SEMA3A: variants seen among roughly 807,000 people sequenced by gnomAD.
SEMA3A encodes semaphorin 3A.
A neutral mutation model predicts 97.9 loss-of-function variants in SEMA3A; 29 were observed. The ratio of observed to expected loss-of-function variants is 0.30; its 90% confidence interval spans 0.22 to 0.40. SEMA3A has a LOEUF of 0.40. Among genes scored for constraint, SEMA3A ranks in the 10% least tolerant of loss-of-function variants. The probability of loss-of-function intolerance (pLI) is 1.00; values close to 1 mark genes in which losing one functional copy is unlikely to be tolerated. For synonymous variants in SEMA3A, 321 were observed against 323.7 expected (o/e 0.99, Z 0.09); for missense variants, 763 against 951.3 (o/e 0.80, Z 2.60).
chr7:84,402,116 G>C (rs1361888282), intron 1 of SEMA3A, among the ~76,000 whole-genome samples: 2 of 151,952 alleles, frequency 1.3e-5, no homozygotes, highest in Non-Finnish European at 2.9e-5. Context: ...TTAATTGCTA[G>C]AAAATATAAG....
At chr7:84,373,021 C>G (rs148572880) in intron 1 of SEMA3A, among the ~76,000 whole-genome samples, 1 of 152,168 alleles carries the variant, frequency 6.6e-6, no homozygotes, top group Non-Finnish European at 1.5e-5. Flanking sequence ...TGTTTCCATT[C>G]GCTCTCTTGT....
chr7:84,443,370 T>C (rs1292157183), intron 1 of SEMA3A, among the ~76,000 whole-genome samples: 5 of 152,280 alleles, frequency 3.3e-5, no homozygotes, highest in Middle Eastern at 3.4e-3. Flanking sequence ...GTCAAGACAC[T>C]TTTTAATGTA....
chr7:84,061,512 T>C (rs1287317419), intron 4 of SEMA3A, among the ~76,000 whole-genome samples: 1 of 152,200 alleles, frequency 6.6e-6, no homozygotes, highest in East Asian at 1.9e-4. Flanking sequence ...ATATGTATGC[T>C]TTTTCCAGTA....
At chr7:84,140,564 G>T (rs909502644) in intron 1 of SEMA3A, among the ~76,000 whole-genome samples, 1 of 151,980 alleles carries the variant, frequency 6.6e-6, no homozygotes, top group Non-Finnish European at 1.5e-5. Context: ...TCCATGACTT[G>T]AACTTTGTCC....
At chr7:84,183,050 G>A (rs921357725) in intron 1 of SEMA3A, among the ~76,000 whole-genome samples, 2 of 152,200 alleles carry the variant, frequency 1.3e-5, no homozygotes, top group African/African-American at 4.8e-5. Flanking sequence ...CCAAAACCTA[G>A]GCATTACTAA....
chr7:84,262,751 A>G (rs1418609821), intron 3 of SEMA3A, among the ~76,000 whole-genome samples: 3 of 152,168 alleles, frequency 2.0e-5, no homozygotes, highest in African/African-American at 7.2e-5. Flanking sequence ...TTATTAACCA[A>G]TTCTGGGTAG....
chr7:84,449,402 A>T (rs1271834750), intron 1 of SEMA3A, among the ~76,000 whole-genome samples: 1 of 152,210 alleles, frequency 6.6e-6, no homozygotes, highest in Non-Finnish European at 1.5e-5. Flanking sequence ...AACAATCAAC[A>T]AATTGTTAAA....
rs188071776 is a variant in SEMA3A at position 84,102,800 on chromosome 7, C to A, written c.453+7670G>T. Among the ~76,000 whole-genome samples, 977 of 151,716 alleles carry A rather than the reference C, an allele frequency of 6.4e-3. 5 individuals are homozygous for A. The highest frequency in any genetic ancestry group is 0.022 in the African/African-American group (911 of 41,384). ...TTCACCATGTTGGCCAGGCTGGTCT[C>A]GAACTCCTGACCTCAAATGATCCGC... On this transcript the variant is annotated intron_variant, in intron 4 of 16. Coordinates refer to ENST00000265362, the MANE Select transcript of SEMA3A (RefSeq NM_006080.3).
intron 14 of SEMA3A, among the ~76,000 whole-genome samples, 199 bp from the exon 15 acceptor site, chr7:83,977,395 T>G (rs1409520479): frequency 6.6e-6 from 1 of 152,066 alleles, no homozygotes; most frequent in African/African-American, 2.4e-5. Context: ...GTCTCCAAGA[T>G]GATCAAAATG....
chr7:84,065,801 C>G (rs1364548321), intron 4 of SEMA3A, among the ~76,000 whole-genome samples: 3 of 151,866 alleles, frequency 2.0e-5, no homozygotes, highest in Non-Finnish European at 2.9e-5. Flanking sequence ...CAAAAAGAGT[C>G]CAGGACCAGA....
In SEMA3A at chr7:83,960,358, T is replaced by C. The variant is rs1670619754; in HGVS notation, c.*1013A>G. ...AAAATGCACTTAAAAATCAACTTGT[T>C]TCTTCCTTTTTTCCTGCTTAAATGT... On this transcript the variant is annotated 3_prime_UTR_variant, in exon 17 of 17. Transcript: ENST00000265362. 1 of 152,118 alleles carries C rather than the reference T, an allele frequency of 6.6e-6. No individual in the cohort carries two copies. The highest frequency in any genetic ancestry group is 2.4e-5 in the African/African-American group (1 of 41,454). 9.4% of individuals were successfully genotyped at this position (152,118 alleles called of 1,614,324 possible).
At chr7:84,119,795 G>A (rs1469716862) in intron 3 of SEMA3A, among the ~76,000 whole-genome samples, 4 of 152,070 alleles carry the variant, frequency 2.6e-5, no homozygotes, top group Admixed American at 1.3e-4. Flanking sequence ...TAAATATGAG[G>A]TAAGAAGATA....
intron 13 of SEMA3A, among the ~76,000 whole-genome samples, chr7:83,982,677 A>G (rs1283166170): frequency 6.6e-6 from 1 of 152,136 alleles, no homozygotes; most frequent in Non-Finnish European, 1.5e-5. Flanking sequence ...GAGTTTTAGA[A>G]AAGTCAGTCT....
intron 4 of SEMA3A, among the ~76,000 whole-genome samples, chr7:84,073,362 CT>C (rs1430473963): frequency 6.6e-6 from 1 of 151,746 alleles, no homozygotes; most frequent in Non-Finnish European, 1.5e-5. Context: ...ACAGATTATT[CT>C]ATCTAGAGAA....
intron 1 of SEMA3A, among the ~76,000 whole-genome samples, chr7:84,183,070 A>G (rs1433833410): frequency 1.3e-5 from 2 of 152,204 alleles, no homozygotes; most frequent in East Asian, 1.9e-4. Context: ...ATCTGCCTCA[A>G]GGAATTAATA....
intron 3 of SEMA3A, among the ~76,000 whole-genome samples, chr7:84,237,440 A>T (rs1303475623): frequency 2.0e-5 from 3 of 152,154 alleles, no homozygotes; most frequent in Non-Finnish European, 4.4e-5. Flanking sequence ...CATAATCAAT[A>T]AAAGAGAAGA....
intron 3 of SEMA3A, among the ~76,000 whole-genome samples, chr7:84,209,472 T>C (rs2116315350): frequency 6.6e-6 from 1 of 152,262 alleles, no homozygotes; most frequent in South Asian, 2.1e-4. Context: ...ATGTGTTGAG[T>C]TAATGAATTT....
intron 1 of SEMA3A, among the ~76,000 whole-genome samples, chr7:84,486,883 A>G (rs1806587428): frequency 6.6e-6 from 1 of 152,206 alleles, no homozygotes; most frequent in Admixed American, 6.5e-5. Flanking sequence ...ATATTAGTGC[A>G]TCTCACCAGA....
chr7:84,174,081 C>T (rs1277452812), intron 1 of SEMA3A, among the ~76,000 whole-genome samples: 1 of 151,978 alleles, frequency 6.6e-6, no homozygotes, highest in Non-Finnish European at 1.5e-5. Context: ...CATATTGAAA[C>T]CCTATCAGTC....
Sources: allele counts gnomAD v4.1 joint callset (sites outside exome capture counted in the v4.1 genomes callset), GRCh38; gene constraint gnomAD v4.1.1; transcripts MANE v1.5; gene names NCBI Gene and HGNC (gene_info 2026-07-23, HGNC 2026-07-21).